The following FBXL7 variants were observed in gnomAD, a reference collection of about 807,000 sequenced individuals.
The protein encoded by FBXL7 is F-box and leucine rich repeat protein 7.
FBXL7 carries 12 observed loss-of-function variants against 38.3 expected under a neutral mutation model. That is an observed-to-expected ratio of 0.31 (90% confidence interval 0.20 to 0.51). FBXL7 has a LOEUF of 0.51. Ranked by LOEUF, FBXL7 falls within the 20% of genes least tolerant of loss-of-function variation. FBXL7 has a pLI of 0.98. For synonymous variants in FBXL7, 297 were observed against 300.9 expected (o/e 0.99, Z 0.13); for missense variants, 567 against 676.4 (o/e 0.84, Z 1.79).
intron 2 of FBXL7, among the ~76,000 whole-genome samples, chr5:15,664,779 C>G (rs1561076041): frequency 6.6e-6 from 1 of 151,940 alleles, no homozygotes; most frequent in Non-Finnish European, 1.5e-5. Flanking sequence ...TTCAAATTTT[C>G]TTCAAGCGTC....
chr5:15,821,665 C>A (rs1051245092), intron 2 of FBXL7, among the ~76,000 whole-genome samples: 1 of 152,154 alleles, frequency 6.6e-6, no homozygotes, highest in Admixed American at 6.6e-5. Context: ...ATAATTGTCA[C>A]CATAACCACT....
At chr5:15,811,753 T>C (rs1305408634) in intron 2 of FBXL7, among the ~76,000 whole-genome samples, 4 of 151,986 alleles carry the variant, frequency 2.6e-5, no homozygotes, top group African/African-American at 9.7e-5. Context: ...TCATCAGTGA[T>C]CACTAGAGAA....
intron 2 of FBXL7, among the ~76,000 whole-genome samples, chr5:15,770,027 ATAGTATTGAC>A (rs1561120097): frequency 6.6e-6 from 1 of 152,178 alleles, no homozygotes; most frequent in Non-Finnish European, 1.5e-5. Context: ...AATTTTTACA[ATAGTATTGAC>A]TTTTGATTAT....
chr5:15,632,064 C>G (rs1310665900), intron 2 of FBXL7, among the ~76,000 whole-genome samples: 2 of 152,186 alleles, frequency 1.3e-5, no homozygotes, highest in African/African-American at 4.8e-5. Context: ...TAAGATCTTT[C>G]TGTTGTCAAA....
At chr5:15,734,227 C>G (rs1470119570) in intron 2 of FBXL7, among the ~76,000 whole-genome samples, 1 of 152,246 alleles carries the variant, frequency 6.6e-6, no homozygotes, top group Non-Finnish European at 1.5e-5. Context: ...GCTGCACAGG[C>G]CTCTTCCTCA....
chr5:15,915,241 C>G (rs1460219285), intron 2 of FBXL7, among the ~76,000 whole-genome samples: 1 of 152,318 alleles, frequency 6.6e-6, no homozygotes, highest in East Asian at 1.9e-4. Flanking sequence ...GTACTGGCTT[C>G]CTGGGCTGCT....
At chr5:15,781,487 G>A (rs922142097) in intron 2 of FBXL7, among the ~76,000 whole-genome samples, 1 of 151,702 alleles carries the variant, frequency 6.6e-6, no homozygotes, top group Non-Finnish European at 1.5e-5. Context: ...TGTAGTATAA[G>A]AGTAAAATAG....
intron 2 of FBXL7, among the ~76,000 whole-genome samples, chr5:15,735,695 A>G (rs1187727380): frequency 1.3e-5 from 2 of 152,220 alleles, no homozygotes; most frequent in Non-Finnish European, 2.9e-5. Context: ...ATTCAAGGAT[A>G]ATGAATGTCC....
chr5:15,591,806 G>T (rs1739484698), intron 1 of FBXL7, among the ~76,000 whole-genome samples: 1 of 152,072 alleles, frequency 6.6e-6, no homozygotes, highest in East Asian at 1.9e-4. Context: ...CACCTCCCGG[G>T]TTCAAGCGAT....
At chr5:15,690,390 T>C (rs1365350518) in intron 2 of FBXL7, among the ~76,000 whole-genome samples, 3 of 143,752 alleles carry the variant, frequency 2.1e-5, no homozygotes, top group Non-Finnish European at 4.4e-5. Context: ...GACGAAATAT[T>C]TTTTTTAATT....
chr5:15,744,868 A>G (rs924415662), intron 2 of FBXL7, among the ~76,000 whole-genome samples: 10 of 152,158 alleles, frequency 6.6e-5, no homozygotes, highest in African/African-American at 2.4e-4. Flanking sequence ...AGAAAGGAGA[A>G]GTGCTGAGCA....
At chr5:15,678,193 CCAAAG>C (rs1412760614) in intron 2 of FBXL7, among the ~76,000 whole-genome samples, 1 of 152,068 alleles carries the variant, frequency 6.6e-6, no homozygotes, top group Non-Finnish European at 1.5e-5. Flanking sequence ...TGTGAAACCT[CCAAAG>C]CAAACAGAGA....
chr5:15,566,167 A>AG (rs1337110805), intron 1 of FBXL7, among the ~76,000 whole-genome samples: 1 of 152,128 alleles, frequency 6.6e-6, no homozygotes, highest in Non-Finnish European at 1.5e-5. Flanking sequence ...AAAATGCTTT[A>AG]GAGATTAGAC....
At chr5:15,884,877 A>C (rs987608182) in intron 2 of FBXL7, among the ~76,000 whole-genome samples, 6 of 152,210 alleles carry the variant, frequency 3.9e-5, no homozygotes, top group African/African-American at 1.4e-4. Flanking sequence ...AGCTGTGTAT[A>C]TGTGTGTTTA....
At chr5:15,529,607 C>T (rs373080172) in intron 1 of FBXL7, among the ~76,000 whole-genome samples, 10 of 152,184 alleles carry the variant, frequency 6.6e-5, no homozygotes, top group South Asian at 4.1e-4. Context: ...CCAGGATGGT[C>T]GCGATCTCCT....
chr5:15,755,352 T>G (rs1053333195), intron 2 of FBXL7, among the ~76,000 whole-genome samples: 1 of 152,120 alleles, frequency 6.6e-6, no homozygotes, highest in African/African-American at 2.4e-5. Flanking sequence ...CATGAATGAA[T>G]AGGCATGAAA....
chr5:15,827,074 G>A (rs1738333881), intron 2 of FBXL7, among the ~76,000 whole-genome samples: 1 of 151,900 alleles, frequency 6.6e-6, no homozygotes, highest in Non-Finnish European at 1.5e-5. Flanking sequence ...CATTCCTTAC[G>A]GTTTAGTTCA....
intron 2 of FBXL7, among the ~76,000 whole-genome samples, chr5:15,653,942 A>G (rs1308299379): frequency 2.0e-5 from 3 of 152,214 alleles, no homozygotes; most frequent in Non-Finnish European, 4.4e-5. Context: ...ATTTATTTAC[A>G]GAAACTTTCC....
At chr5:15,585,068 A>T (rs932837568) in intron 1 of FBXL7, among the ~76,000 whole-genome samples, 2 of 152,240 alleles carry the variant, frequency 1.3e-5, no homozygotes, top group African/African-American at 4.8e-5. Flanking sequence ...ATAATTAATT[A>T]TTAAGAATTA....
Sources: allele counts gnomAD v4.1 joint callset (sites outside exome capture counted in the v4.1 genomes callset), GRCh38; gene constraint gnomAD v4.1.1; transcripts MANE v1.5; gene names NCBI Gene and HGNC (gene_info 2026-07-23, HGNC 2026-07-21).